Variants in NRXN1 observed in about 807,000 individuals in gnomAD.
NRXN1 encodes the protein neurexin-1.
In NRXN1, 39 loss-of-function variants were observed where a neutral mutation model predicts 150.9. That is an observed-to-expected ratio of 0.26 (90% CI 0.20 to 0.34). The LOEUF is 0.34. NRXN1 is among the 10% of genes least tolerant of loss of function. The pLI is 1.00. For missense variants in NRXN1, 1,815 were observed against 1,949.9 expected (o/e 0.93, Z 1.30); for synonymous variants, 924 against 757.0 (o/e 1.22, Z -3.62).
chr2:50,178,414 T>C (rs1179864204), intron 18 of NRXN1, among the ~76,000 whole-genome samples: 1 of 152,056 alleles, frequency 6.6e-6, no homozygotes, highest in Non-Finnish European at 1.5e-5. Context: ...GTCTTCTTCA[T>C]TAAAAGTCAA....
rs76159848 is a variant in NRXN1, at chr2:50,765,691, C to T, written c.833-142076G>A. 4.5e-3 allele frequency among the ~76,000 whole-genome samples: 692 copies of T among 152,092 alleles called. 2 individuals are homozygous for T. Among genetic ancestry groups the T allele is most frequent in the Non-Finnish European group, 7.2e-3 (492 of 67,966 alleles). ...CATATCCAGAATGGTAAAGCACTTG[C>T]GCAGTAATTCAGCCATGCTCCTTCT... On this transcript the variant is annotated intron_variant, in intron 5 of 22. Transcript: ENST00000401669.
At position 50,187,762 on chromosome 2, in the gene NRXN1, C is replaced by A. The variant is rs1176170681; in HGVS notation, c.3546+49027G>T. Among the ~76,000 whole-genome samples the A allele has an allele frequency of 3.3e-5, 5 of 152,168 alleles. No individual in the cohort carries two copies. In the South Asian group the frequency reaches 1.0e-3, roughly 32 times the overall value. ...TTGTGTCCTCTCTTATTTCCTTGAG[C>A]AGTGGTTTGTAGTTTTCCTTGAAGA... On this transcript the variant is annotated intron_variant, in intron 18 of 22. Transcript: ENST00000401669.
chr2:50,296,877 CTTTCTTT>C (rs2073638064), intron 17 of NRXN1, among the ~76,000 whole-genome samples: 2 of 122,654 alleles, frequency 1.6e-5, no homozygotes. Flanking sequence ...CAGTTTCTTT[CTTTCTTT>C]TTTTTTTTTT....
At chr2:50,571,619 A>ATT (rs574835688) in intron 8 of NRXN1, among the ~76,000 whole-genome samples, 2 of 148,662 alleles carry the variant, frequency 1.3e-5, no homozygotes, top group Non-Finnish European at 1.5e-5. Flanking sequence ...ATAAAATGAG[A>ATT]TTTTTTTTTT....
At chr2:49,974,705 G>C (rs2152499981) in intron 21 of NRXN1, among the ~76,000 whole-genome samples, 1 of 150,956 alleles carries the variant, frequency 6.6e-6, no homozygotes, top group East Asian at 1.9e-4. Flanking sequence ...TATTTTTATG[G>C]GATGAGTTTG....
chr2:49,946,529 G>T (rs1049167724), intron 21 of NRXN1, among the ~76,000 whole-genome samples: 1 of 152,062 alleles, frequency 6.6e-6, no homozygotes, highest in African/African-American at 2.4e-5. Context: ...TTACGTTTAA[G>T]TCTTTAATCC....
At chr2:50,484,716 A>T (rs987023508) in intron 15 of NRXN1, among the ~76,000 whole-genome samples, 11 of 152,224 alleles carry the variant, frequency 7.2e-5, no homozygotes, top group Admixed American at 3.9e-4. Context: ...AGGGGCTAAG[A>T]AGACAGAACC....
chr2:50,738,121 C>T (rs1406061929), intron 5 of NRXN1, among the ~76,000 whole-genome samples: 5 of 152,176 alleles, frequency 3.3e-5, no homozygotes, highest in South Asian at 4.1e-4. Context: ...AACTGTGTTT[C>T]AGATCATGTT....
At chr2:50,636,774 TC>T (rs1272843711) in intron 5 of NRXN1, among the ~76,000 whole-genome samples, 2 of 152,288 alleles carry the variant, frequency 1.3e-5, no homozygotes, top group South Asian at 2.1e-4. Context: ...TAATCACCTT[TC>T]TTCCACAACC....
At chr2:50,995,100 T>G (rs1328913965) in intron 2 of NRXN1, among the ~76,000 whole-genome samples, 1 of 151,976 alleles carries the variant, frequency 6.6e-6, no homozygotes. Context: ...ACCAATATGT[T>G]GCTTATTATT....
intron 5 of NRXN1, among the ~76,000 whole-genome samples, chr2:50,646,427 G>C (rs1427309301): frequency 2.0e-5 from 3 of 151,958 alleles, no homozygotes; most frequent in African/African-American, 7.2e-5. Flanking sequence ...CTCTTGCCTG[G>C]TGGAAAAAGA....
At chr2:50,625,942 C>G (rs1680951803) in intron 5 of NRXN1, among the ~76,000 whole-genome samples, 1 of 151,986 alleles carries the variant, frequency 6.6e-6, no homozygotes, top group South Asian at 2.1e-4. Context: ...ATTATGAAAT[C>G]TAGAATTTTC....
intron 21 of NRXN1, among the ~76,000 whole-genome samples, chr2:50,043,703 G>GCTGCTGTTCCAGCA (rs1691368395): frequency 6.6e-6 from 1 of 152,036 alleles, no homozygotes; most frequent in South Asian, 2.1e-4. Flanking sequence ...TGTGTTCCAG[G>GCTGCTGTTCCAGCA]GCCAAATTTT....
chr2:50,403,879 A>T (rs972187945), intron 17 of NRXN1, among the ~76,000 whole-genome samples: 1 of 152,150 alleles, frequency 6.6e-6, no homozygotes, highest in African/African-American at 2.4e-5. Context: ...AGCTTCCATT[A>T]AAAATACCAT....
In NRXN1 at chr2:51,027,490, G is replaced by A. The variant is rs754241168; in HGVS notation, c.772+12C>T. 6 of 1,506,696 alleles carry A rather than the reference G, an allele frequency of 4.0e-6. No individual in the cohort carries two copies. In the Admixed American group the frequency reaches 6.5e-5, roughly 16 times the overall value. 93.3% of individuals were successfully genotyped at this position (1,506,696 alleles called of 1,614,324 possible). On this transcript the variant is annotated intron_variant, in intron 2 of 22. Transcript: ENST00000401669. The stretch of plus-strand genomic sequence containing the variant: ...AGGCCCCGGCCCCCGTGGGTCGGGC[G>A]TCGGGCCTTACCTTGGCTGCAGTCC...
At chr2:50,886,451 AT>A (rs1392039453) in intron 5 of NRXN1, among the ~76,000 whole-genome samples, 1 of 151,386 alleles carries the variant, frequency 6.6e-6, no homozygotes, top group Non-Finnish European at 1.5e-5. Flanking sequence ...AATATTTCTA[AT>A]TTTAAAAAAG....
chr2:50,966,890 A>C (rs1183217442), intron 2 of NRXN1, among the ~76,000 whole-genome samples: 3 of 151,966 alleles, frequency 2.0e-5, no homozygotes, highest in Non-Finnish European at 4.4e-5. Flanking sequence ...CAAGACAGCA[A>C]TCCTTCCAAA....
chr2:51,013,902 A>G (rs556523445), intron 2 of NRXN1, among the ~76,000 whole-genome samples: 4 of 152,146 alleles, frequency 2.6e-5, no homozygotes, highest in African/African-American at 7.2e-5. Context: ...TTGTCAGCTC[A>G]TATTTTTCTG....
chr2:50,889,993 T>C (rs534902299), intron 5 of NRXN1, among the ~76,000 whole-genome samples: 10 of 151,678 alleles, frequency 6.6e-5, no homozygotes, highest in African/African-American at 2.4e-4. Context: ...TAAAATATTT[T>C]TAATAATGCT....
Sources: allele counts gnomAD v4.1 joint callset (sites outside exome capture counted in the v4.1 genomes callset), GRCh38; gene constraint gnomAD v4.1.1; transcripts MANE v1.5; gene names NCBI Gene and HGNC (gene_info 2026-07-23, HGNC 2026-07-21).